Variants in SAMD4A observed in about 807,000 individuals in gnomAD.
SAMD4A encodes the protein protein Smaug homolog 1.
A neutral mutation model predicts 81.3 loss-of-function variants in SAMD4A; 33 were observed. The observed-to-expected ratio is 0.41, with a 90% confidence interval of 0.31 to 0.54. The LOEUF is 0.54. Among genes scored for constraint, SAMD4A ranks in the 20% least tolerant of loss-of-function variants. The pLI is 0.37. For synonymous variants in SAMD4A, 389 were observed against 382.1 expected, an observed-to-expected ratio of 1.02 and a Z score of -0.21; for missense variants, 854 against 951.1, an observed-to-expected ratio of 0.90 and a Z score of 1.34.
chr14:54,626,922 G>A lies in SAMD4A; in HGVS notation c.196+58810G>A, dbSNP rs879494402. 3.3e-5 allele frequency among the ~76,000 whole-genome samples: 5 copies of A among 152,146 alleles called. No homozygotes were observed. The East Asian group carries it at 5.8e-4, about 18-fold the overall frequency. On this transcript the variant is annotated intron_variant, in intron 2 of 12. Transcript: ENST00000554335. ...TTCAGGGAAGTTAAATAGTTTGTCC[G>A]TGATTATTTGACTGGGTAAGTGGGA... is the stretch of plus-strand genomic sequence containing the variant.
At chr14:54,701,975 C>A in intron 2 of SAMD4A, 87 bp from the exon 3 acceptor site, 4 of 1,413,484 alleles carry the variant, frequency 2.8e-6, no homozygotes, top group East Asian at 2.3e-5. Flanking sequence ...GATTGGGACC[C>A]TAATCCATAA....
intron 6 of SAMD4A, among the ~76,000 whole-genome samples, chr14:54,755,540 G>A (rs554088037): frequency 1.3e-5 from 2 of 152,290 alleles, no homozygotes; most frequent in South Asian, 4.1e-4. Flanking sequence ...GGTCGGGAGG[G>A]TTTGAAGGAA....
intron 3 of SAMD4A, among the ~76,000 whole-genome samples, chr14:54,732,306 T>A (rs2037577546): frequency 6.6e-6 from 1 of 152,196 alleles, no homozygotes; most frequent in African/African-American, 2.4e-5. Flanking sequence ...CAATACCCTC[T>A]CTATATGTAG....
chr14:54,758,089 G>A (rs1178112421), intron 6 of SAMD4A, among the ~76,000 whole-genome samples: 3 of 149,760 alleles, frequency 2.0e-5, no homozygotes, highest in East Asian at 2.0e-4. Context: ...GGTGGCAGAC[G>A]CGAAACTCTC....
intron 2 of SAMD4A, among the ~76,000 whole-genome samples, chr14:54,586,589 A>C (rs2033626320): frequency 6.6e-6 from 1 of 151,980 alleles, no homozygotes; most frequent in Non-Finnish European, 1.5e-5. Context: ...ATCCATCTTG[A>C]GTTGATTTTT....
At chr14:54,665,304 CA>C (rs1189548403) in intron 2 of SAMD4A, among the ~76,000 whole-genome samples, 1 of 152,104 alleles carries the variant, frequency 6.6e-6, no homozygotes, top group Admixed American at 6.5e-5. Flanking sequence ...ATGCAGATCC[CA>C]AAGATAAGTA....
intron 11 of SAMD4A, 111 bp from the exon 12 acceptor site, chr14:54,784,426 G>A (rs1289193307): frequency 2.5e-6 from 4 of 1,609,978 alleles, no homozygotes; most frequent in Non-Finnish European, 8.5e-7. Flanking sequence ...AGCGCTGACA[G>A]TCCCCAAGTC....
intron 3 of SAMD4A, among the ~76,000 whole-genome samples, chr14:54,734,508 C>G (rs1197226059): frequency 6.6e-6 from 1 of 152,208 alleles, no homozygotes; most frequent in African/African-American, 2.4e-5. Flanking sequence ...AGGCCAAGTT[C>G]ATGTCATATC....
At chr14:54,684,813 G>A (rs979051442) in intron 2 of SAMD4A, among the ~76,000 whole-genome samples, 5 of 152,230 alleles carry the variant, frequency 3.3e-5, no homozygotes, top group African/African-American at 1.2e-4. Context: ...AGCCAGAGTG[G>A]GCAGGCAGCA....
In SAMD4A at chr14:54,702,530, C is replaced by G. The variant is rs769332174; in HGVS notation, c.665C>G (p.Ser222Cys). Residue 222 changes from serine to cysteine, a missense_variant, in exon 3 of 13, where the codon TCC becomes TGC. Ser to Cys is a moderately radical substitution (Grantham distance 112, BLOSUM62 -1). Transcript: ENST00000554335. ...CENGHVPLYSSSSVPTTINTI... is the reference protein window; with the variant it reads ...CENGHVPLYSCSSVPTTINTI... The stretch of plus-strand genomic sequence containing the variant: ...AATGGCCATGTGCCCCTCTACTCCT[C>G]CTCATCTGTCCCCACCACAATCAAT... 52 of 1,614,038 alleles carry G rather than the reference C, an allele frequency of 3.2e-5. No homozygotes were observed. The highest frequency in any genetic ancestry group is 1.6e-4 in the Middle Eastern group (1 of 6,082).
chr14:54,685,768 A>AG (rs1056335272), intron 2 of SAMD4A: 11 of 456,594 alleles, frequency 2.4e-5, no homozygotes, highest in Non-Finnish European at 4.4e-5. Context: ...AAAATCTCTG[A>AG]GGTCCCTTCC....
At chr14:54,781,567 C>G (rs1411040715) in intron 11 of SAMD4A, among the ~76,000 whole-genome samples, 1 of 152,224 alleles carries the variant, frequency 6.6e-6, no homozygotes, top group Non-Finnish European at 1.5e-5. Context: ...AAGAAACATG[C>G]CTCCTTTGGG....
At chr14:54,770,689 G>A (rs563230089) in intron 9 of SAMD4A, among the ~76,000 whole-genome samples, 3 of 152,308 alleles carry the variant, frequency 2.0e-5, no homozygotes, top group Admixed American at 2.0e-4. Context: ...GTCTATTTTG[G>A]TCTGCAGTCT....
chr14:54,690,655 G>A (rs1049829064), intron 2 of SAMD4A, among the ~76,000 whole-genome samples: 1 of 152,148 alleles, frequency 6.6e-6, no homozygotes, highest in South Asian at 2.1e-4. Flanking sequence ...TACCACAAAT[G>A]TCATTGAAAA....
chr14:54,584,271 G>A (rs1247271852), intron 2 of SAMD4A, among the ~76,000 whole-genome samples: 1 of 152,218 alleles, frequency 6.6e-6, no homozygotes, highest in East Asian at 1.9e-4. Flanking sequence ...TTGGCACACT[G>A]CATTTCAGTG....
Position 54,764,548 on chromosome 14 carries a change from G to A in SAMD4A, c.1596+8G>A, listed in dbSNP as rs1272740737. 6.3e-7 allele frequency: 1 copy of A among 1,576,894 alleles called. No individual in the cohort carries two copies. Among genetic ancestry groups the A allele is most frequent in the African/African-American group, 1.4e-5 (1 of 73,160 alleles). ...AAGTGTCTAATTCATGAGGTGAGTAGTGACAGGTTTTACAAAACCATTTTT... is the reference window on the plus strand; with the variant it reads ...AAGTGTCTAATTCATGAGGTGAGTAATGACAGGTTTTACAAAACCATTTTT... On this transcript the variant is annotated splice_region_variant and intron_variant, in intron 8 of 12. Transcript: ENST00000554335.
intron 2 of SAMD4A, among the ~76,000 whole-genome samples, chr14:54,585,806 G>A (rs901180893): frequency 3.9e-5 from 6 of 152,112 alleles, no homozygotes; most frequent in East Asian, 1.9e-4. Context: ...ATTTCATGAC[G>A]TATATATCAC....
At chr14:54,669,185 C>T (rs1348841243) in intron 2 of SAMD4A, among the ~76,000 whole-genome samples, 6 of 152,154 alleles carry the variant, frequency 3.9e-5, no homozygotes, top group Non-Finnish European at 5.9e-5. Flanking sequence ...ACATTTTCTC[C>T]CTTACATCCT....
At chr14:54,702,893 C>T (rs1373713581) in intron 3 of SAMD4A, 1 of 314,256 alleles carries the variant, frequency 3.2e-6, no homozygotes, top group Non-Finnish European at 5.9e-6. Context: ...TCACCCATGT[C>T]TTTCACCCTG....
Sources: gnomAD v4.1 joint callset for allele counts (sites outside exome capture counted in the v4.1 genomes callset) on GRCh38, gnomAD v4.1.1 for gene constraint, MANE v1.5 for transcripts, NCBI Gene and HGNC (gene_info 2026-07-23, HGNC 2026-07-21) for gene names.